Variants in ARID1B observed in about 807,000 individuals in gnomAD.
ARID1B encodes the protein AT-rich interactive domain-containing protein 1B.
A neutral mutation model predicts 212.3 loss-of-function variants in ARID1B; 30 were observed. That is an observed-to-expected ratio of 0.14 (90% confidence interval 0.11 to 0.19). ARID1B has a LOEUF of 0.19. ARID1B is among the 10% of genes least tolerant of loss of function. ARID1B has a pLI of 1.00. For synonymous variants in ARID1B, 1,402 were observed against 1,301.7 expected (o/e 1.08, Z -1.66); for missense variants, 2,891 against 3,204.0 (o/e 0.90, Z 2.36).
intron 5 of ARID1B, among the ~76,000 whole-genome samples, chr6:157,103,297 C>T (rs1338830904): frequency 6.6e-6 from 1 of 151,564 alleles, no homozygotes; most frequent in Non-Finnish European, 1.5e-5. Context: ...ATGCCTGGTT[C>T]AAGAGATATA....
rs1778752994 is a variant in ARID1B, at chr6:156,777,965, C to T, written c.285C>T (p.Gly95=). The change falls in exon 1 of 20, where the codon GGC becomes GGT. Residue 95 remains glycine (G), a synonymous_variant. Transcript: ENST00000636930. ...AHNAGAAAAA[G]THSAKSGGSE... Reference sequence around the variant, plus strand: ...ACGCGGGCGCCGCGGCCGCCGCCGGCACCCACAGCGCCAAGAGCGGCGGCT... The same window carrying T: ...ACGCGGGCGCCGCGGCCGCCGCCGGTACCCACAGCGCCAAGAGCGGCGGCT... The T allele has an allele frequency of 8.5e-6, 13 of 1,530,358 alleles. No individual in the cohort carries two copies. In the East Asian group the frequency reaches 3.2e-4, roughly 38 times the overall value. The allele number at this position is 1,530,358 out of a possible 1,614,324, so 94.8% of individuals were successfully genotyped here. A position where few individuals can be genotyped will look rare whatever the true frequency, so the allele number is the denominator to read the frequency against.
intron 4 of ARID1B, among the ~76,000 whole-genome samples, chr6:156,999,136 G>A (rs1410123394): frequency 6.6e-6 from 1 of 152,246 alleles, no homozygotes; most frequent in East Asian, 1.9e-4. Flanking sequence ...GAGACTGGAT[G>A]CGCCATGAGT....
intron 3 of ARID1B, among the ~76,000 whole-genome samples, chr6:156,906,737 C>T (rs924993137): frequency 6.6e-6 from 1 of 152,030 alleles, no homozygotes; most frequent in African/African-American, 2.4e-5. Flanking sequence ...TGCCCATTTC[C>T]ACTCCACCAT....
At chr6:156,865,238 C>A (rs1020813770) in intron 2 of ARID1B, among the ~76,000 whole-genome samples, 7 of 152,156 alleles carry the variant, frequency 4.6e-5, no homozygotes, top group African/African-American at 1.7e-4. Flanking sequence ...GCCAATCCTT[C>A]AGTAGCTTTC....
chr6:156,868,858 T>A (rs984972894), intron 2 of ARID1B, among the ~76,000 whole-genome samples: 1 of 152,254 alleles, frequency 6.6e-6, no homozygotes, highest in Non-Finnish European at 1.5e-5. Context: ...TTTTTGTCAA[T>A]TTTTAATAAC....
At chr6:157,032,676 TA>T (rs1410980833) in intron 4 of ARID1B, among the ~76,000 whole-genome samples, 2 of 152,210 alleles carry the variant, frequency 1.3e-5, no homozygotes, top group African/African-American at 4.8e-5. Context: ...GAACAATGGG[TA>T]ATGTTATTAT....
At chr6:156,960,209 A>C (rs149957293) in intron 4 of ARID1B, among the ~76,000 whole-genome samples, 6,031 of 152,138 alleles carry the variant, frequency 0.04, 164 homozygotes, top group Middle Eastern at 0.11. Flanking sequence ...GATTACAGGC[A>C]TGAGCCACCA....
rs1430628466 is a variant in ARID1B, at chr6:157,210,284, A to G, written c.*2393A>G. On this transcript the variant is annotated 3_prime_UTR_variant, in exon 20 of 20. Coordinates refer to ENST00000636930, the MANE Select transcript of ARID1B (RefSeq NM_001374828.1). ...CAAGCTTCAAATATGGAGATTTGTA[A>G]GAGGGAATTCAATATTATTCTAATT... The G allele has an allele frequency of 8.7e-6, 2 of 230,976 alleles. No homozygotes were observed. Among genetic ancestry groups the G allele is most frequent in the African/African-American group, 4.4e-5 (2 of 45,224 alleles). 14.3% of individuals were successfully genotyped at this position (230,976 alleles called of 1,614,324 possible).
At chr6:157,165,584 TG>T (rs1301179504) in intron 8 of ARID1B, among the ~76,000 whole-genome samples, 1 of 152,010 alleles carries the variant, frequency 6.6e-6, no homozygotes, top group Non-Finnish European at 1.5e-5. Context: ...GGACCAGACA[TG>T]GTGGCTCACA....
chr6:156,923,455 G>A (rs568275345), intron 3 of ARID1B, among the ~76,000 whole-genome samples: 23 of 152,200 alleles, frequency 1.5e-4, no homozygotes, highest in African/African-American at 5.5e-4. Context: ...AGAATATCTT[G>A]GTTCCCATCC....
rs1374936601 is a variant in ARID1B, at chr6:157,039,775, A to ACCTT, written c.2248-44869_2248-44866dup. The stretch of plus-strand genomic sequence containing the variant: ...TTCCTTCCTACCTTCCTACCTACCT[A>ACCTT]CCTTCCTTCCTTCCTTCCTTCTTTC... On this transcript the variant is annotated intron_variant, in intron 4 of 19. Coordinates refer to ENST00000636930, the MANE Select transcript of ARID1B (RefSeq NM_001374828.1). Among the ~76,000 whole-genome samples the ACCTT allele has an allele frequency of 5.3e-4, 41 of 77,282 alleles. 1 individual carries two copies. The highest frequency in any genetic ancestry group is 2.6e-3 in the Admixed American group (17 of 6,500). 50.7% of individuals were successfully genotyped at this position (77,282 alleles called of 152,430 possible).
intron 16 of ARID1B, among the ~76,000 whole-genome samples, chr6:157,196,653 G>A (rs908621648): frequency 5.9e-5 from 9 of 152,202 alleles, no homozygotes; most frequent in Non-Finnish European, 8.8e-5. Context: ...GACATGGCTC[G>A]CCTGGAGCTC....
chr6:156,778,959 G>A lies in ARID1B; in HGVS notation c.1279G>A (p.Ala427Thr), dbSNP rs1259767227. The A allele has an allele frequency of 1.6e-6, 2 of 1,268,300 alleles. No individual in the cohort carries two copies. The highest frequency in any genetic ancestry group is 3.2e-5 in the South Asian group (1 of 31,028). The allele number at this position is 1,268,300 out of a possible 1,614,324, so 78.6% of individuals were successfully genotyped here. A position where few individuals can be genotyped will look rare whatever the true frequency, so the allele number is the denominator to read the frequency against. The change falls in exon 1 of 20, where the codon GCG (alanine) becomes ACG (threonine). Residue 427 changes from alanine to threonine, a missense_variant. Coordinates refer to ENST00000636930, the MANE Select transcript of ARID1B (RefSeq NM_001374828.1). ...AGAGAVAAAA[A>T]AAAAAAGGGG... ...AGCGGGAGCTGTGGCGGCGGCGGCC[G>A]CGGCGGCGGCGGCAGCAGCAGGAGG...
At position 156,935,591 on chromosome 6, in the gene ARID1B, T is replaced by A; in HGVS notation, c.2247+15T>A. On this transcript the variant is annotated intron_variant, in intron 4 of 19. Coordinates refer to ENST00000636930, the MANE Select transcript of ARID1B (RefSeq NM_001374828.1). ...CAAGTTTACCAGTAAGACATTATTG[T>A]GCTGATTTGGAAATGTAATGAGTTA... The A allele has an allele frequency of 6.3e-7, 1 of 1,584,328 alleles. No individual in the cohort carries two copies. Among genetic ancestry groups the A allele is most frequent in the Non-Finnish European group, 8.7e-7 (1 of 1,153,784 alleles).
intron 2 of ARID1B, among the ~76,000 whole-genome samples, chr6:156,892,117 C>G (rs1787990434): frequency 1.4e-5 from 2 of 142,736 alleles, no homozygotes; most frequent in East Asian, 2.1e-4. Flanking sequence ...CCAGGATGGT[C>G]TCTATCTCTT....
chr6:156,804,842 ACTAAG>A (rs1376114934), intron 1 of ARID1B, among the ~76,000 whole-genome samples: 4 of 144,994 alleles, frequency 2.8e-5, no homozygotes, highest in Admixed American at 1.4e-4. Flanking sequence ...GAATTTTACT[ACTAAG>A]AGAGATGTGA....
chr6:157,050,371 C>T (rs975143253), intron 4 of ARID1B, among the ~76,000 whole-genome samples: 4 of 152,080 alleles, frequency 2.6e-5, no homozygotes, highest in African/African-American at 9.7e-5. Context: ...TGGTGAAACC[C>T]CGTCTCTACT....
At chr6:156,971,780 C>T (rs1776946069) in intron 4 of ARID1B, among the ~76,000 whole-genome samples, 1 of 152,192 alleles carries the variant, frequency 6.6e-6, no homozygotes, top group South Asian at 2.1e-4. Context: ...GAGAGTCTCT[C>T]TGATCCCTCT....
At chr6:157,121,497 AGAT>A (rs1020768958) in intron 6 of ARID1B, among the ~76,000 whole-genome samples, 3 of 152,270 alleles carry the variant, frequency 2.0e-5, no homozygotes, top group Non-Finnish European at 2.9e-5. Context: ...TTTATATAGA[AGAT>A]GTGATTTGCT....
Sources: allele counts gnomAD v4.1 joint callset (sites outside exome capture counted in the v4.1 genomes callset), GRCh38; gene constraint gnomAD v4.1.1; transcripts MANE v1.5; gene names NCBI Gene and HGNC (gene_info 2026-07-23, HGNC 2026-07-21).